Variants in RBMS3 observed in about 807,000 individuals in gnomAD.
The protein encoded by RBMS3 is RNA-binding motif, single-stranded-interacting protein 3.
RBMS3 carries 27 observed loss-of-function variants against 66.8 expected under a neutral mutation model. The ratio of observed to expected loss-of-function variants is 0.40; its 90% CI spans 0.30 to 0.56. The LOEUF (loss-of-function observed/expected upper bound fraction) is 0.56, where lower values mean the gene tolerates loss of function less well. Among genes scored for constraint, RBMS3 ranks in the 20% least tolerant of loss-of-function variants. RBMS3 has a pLI of 0.40. For synonymous variants in RBMS3, 188 were observed against 183.0 expected (o/e 1.03, Z -0.22); for missense variants, 513 against 549.5 (o/e 0.93, Z 0.66).
In RBMS3 at chr3:29,503,670, G is replaced by GA. The variant is rs375289232; in HGVS notation, c.307+15173dup. ...AATTTTGCTGATAGGATTTTTATAG[G>GA]AAGCAGCATAACAGCAAGGCAGTCA... On this transcript the variant is annotated intron_variant, in intron 3 of 14. Transcript: ENST00000383767. Among the ~76,000 whole-genome samples, 129 of 152,144 alleles carry GA rather than the reference G, an allele frequency of 8.5e-4. 1 individual carries two copies. The highest frequency in any genetic ancestry group is 2.9e-3 in the African/African-American group (122 of 41,524).
Position 30,006,941 on chromosome 3 carries a change from A to C in RBMS3, c.*3079A>C, listed in dbSNP as rs1471193370. On this transcript the variant is annotated 3_prime_UTR_variant, in exon 15 of 15. Coordinates refer to ENST00000383767, the MANE Select transcript of RBMS3 (RefSeq NM_001003793.3). ...TCAATTTTTTAAGCCAGTTTCTGCA[A>C]AAGGAAATGACCTGTCATTTGATGT... is the stretch of plus-strand genomic sequence containing the variant. 6.6e-6 allele frequency: 1 copy of C among 152,032 alleles called. No individual in the cohort carries two copies. Among genetic ancestry groups the C allele is most frequent in the Non-Finnish European group, 1.5e-5 (1 of 67,950 alleles). 9.4% of individuals were successfully genotyped at this position (152,032 alleles called of 1,614,324 possible).
At chr3:29,316,418 T>C (rs1248659626) in intron 1 of RBMS3, among the ~76,000 whole-genome samples, 1 of 151,730 alleles carries the variant, frequency 6.6e-6, no homozygotes, top group Non-Finnish European at 1.5e-5. Context: ...AACACTCTTC[T>C]ATGAAAAATT....
intron 4 of RBMS3, among the ~76,000 whole-genome samples, chr3:29,739,504 T>G (rs1055905480): frequency 4.0e-5 from 6 of 149,834 alleles, no homozygotes; most frequent in Admixed American, 6.7e-5. Context: ...TTCTAAGGAA[T>G]GATGGATGGA....
rs187887188 is a variant in RBMS3 at position 29,552,609 on chromosome 3, C to T, written c.308-34505C>T. Among the ~76,000 whole-genome samples, 18 of 152,064 alleles carry T rather than the reference C, an allele frequency of 1.2e-4. No individual in the cohort carries two copies. The East Asian group carries it at 3.1e-3, about 26-fold the overall frequency. On this transcript the variant is annotated intron_variant, in intron 3 of 14. Transcript: ENST00000383767. ...AAAGTGAATAGCAGTAGTGTTATTC[C>T]GATGGTTTCTCATTGAGCTTTTCCT...
chr3:29,634,646 C>T (rs1185229764), intron 4 of RBMS3, among the ~76,000 whole-genome samples: 1 of 151,796 alleles, frequency 6.6e-6, no homozygotes, highest in Non-Finnish European at 1.5e-5. Flanking sequence ...TCTTCCTTTA[C>T]TGAATTATTC....
chr3:29,925,757 G>A (rs1434252173), intron 10 of RBMS3, among the ~76,000 whole-genome samples: 1 of 152,130 alleles, frequency 6.6e-6, no homozygotes, highest in African/African-American at 2.4e-5. Flanking sequence ...TAGTGGGGCT[G>A]GGGTTCACCT....
At chr3:29,416,987 G>GA (rs2040503327) in intron 1 of RBMS3, among the ~76,000 whole-genome samples, 1 of 152,044 alleles carries the variant, frequency 6.6e-6, no homozygotes, top group African/African-American at 2.4e-5. Context: ...AAAAAAAAGT[G>GA]CCTATCAGCT....
At chr3:29,810,063 T>C (rs1391394033) in intron 6 of RBMS3, among the ~76,000 whole-genome samples, 2 of 152,098 alleles carry the variant, frequency 1.3e-5, no homozygotes, top group African/African-American at 4.8e-5. Context: ...AATAGGTCAT[T>C]ATGGTTAGAA....
intron 4 of RBMS3, among the ~76,000 whole-genome samples, chr3:29,606,213 C>T (rs1292565129): frequency 1.3e-5 from 2 of 151,786 alleles, no homozygotes; most frequent in Non-Finnish European, 2.9e-5. Flanking sequence ...ACCACACACT[C>T]AGTGGTGTAA....
intron 2 of RBMS3, among the ~76,000 whole-genome samples, chr3:29,456,302 G>A (rs894038950): frequency 6.6e-6 from 1 of 152,034 alleles, no homozygotes; most frequent in African/African-American, 2.4e-5. Flanking sequence ...TTTAAAACAT[G>A]TGTTTTCCAC....
intron 5 of RBMS3, among the ~76,000 whole-genome samples, chr3:29,742,825 CT>C (rs1217571022): frequency 1.3e-5 from 2 of 152,090 alleles, no homozygotes; most frequent in Non-Finnish European, 2.9e-5. Flanking sequence ...ATTCATTGGT[CT>C]TTTACAACTT....
chr3:29,602,770 C>T (rs945933013), intron 4 of RBMS3, among the ~76,000 whole-genome samples: 1 of 151,932 alleles, frequency 6.6e-6, no homozygotes, highest in Non-Finnish European at 1.5e-5. Flanking sequence ...CTTTGCTTAA[C>T]ATCTTATTCC....
chr3:29,528,523 T>A (rs1318183367), intron 3 of RBMS3, among the ~76,000 whole-genome samples: 1 of 152,198 alleles, frequency 6.6e-6, no homozygotes, highest in African/African-American at 2.4e-5. Flanking sequence ...GTCTTTGATA[T>A]GTCAGATGTT....
chr3:29,582,061 A>C (rs1358032910), intron 3 of RBMS3, among the ~76,000 whole-genome samples: 2 of 152,188 alleles, frequency 1.3e-5, no homozygotes, highest in Non-Finnish European at 2.9e-5. Context: ...CTGAATGGCA[A>C]AGGTCTCAGG....
chr3:29,848,968 T>G (rs1292530414), intron 6 of RBMS3, among the ~76,000 whole-genome samples: 1 of 152,230 alleles, frequency 6.6e-6, no homozygotes, highest in Non-Finnish European at 1.5e-5. Flanking sequence ...GGAATCATTT[T>G]CTAGATCTTT....
At position 29,988,243 on chromosome 3, in the gene RBMS3, A is replaced by G. The variant is rs745861468; in HGVS notation, c.1179+20A>G. ...ATTGAAGTAAGTCTACCCCTGTCTA[A>G]TAAAGAGGTTAGAAGAAATAAATCT... On this transcript the variant is annotated intron_variant, in intron 13 of 14. Coordinates refer to ENST00000383767, the MANE Select transcript of RBMS3 (RefSeq NM_001003793.3). 6.4e-7 allele frequency: 1 copy of G among 1,570,748 alleles called. No individual in the cohort carries two copies. The highest frequency in any genetic ancestry group is 2.2e-5 in the East Asian group (1 of 44,610).
At chr3:29,861,980 C>G (rs1295243234) in intron 6 of RBMS3, among the ~76,000 whole-genome samples, 1 of 152,144 alleles carries the variant, frequency 6.6e-6, no homozygotes, top group African/African-American at 2.4e-5. Context: ...CATTTAGTCT[C>G]TATTTTAACT....
At chr3:29,666,614 T>C (rs977262160) in intron 4 of RBMS3, among the ~76,000 whole-genome samples, 1 of 122,796 alleles carries the variant, frequency 8.1e-6, no homozygotes, top group Non-Finnish European at 1.7e-5. Context: ...CATAATCAAA[T>C]ATACGATTTG....
At chr3:29,640,241 A>G (rs2049643766) in intron 4 of RBMS3, among the ~76,000 whole-genome samples, 1 of 149,376 alleles carries the variant, frequency 6.7e-6, no homozygotes, top group Non-Finnish European at 1.5e-5. Context: ...TAAACATTTT[A>G]TTGACATTTT....
Sources: allele counts gnomAD v4.1 joint callset (sites outside exome capture counted in the v4.1 genomes callset), GRCh38; gene constraint gnomAD v4.1.1; transcripts MANE v1.5; gene names NCBI Gene and HGNC (gene_info 2026-07-23, HGNC 2026-07-21).